TBCE: variants seen among roughly 807,000 people sequenced by gnomAD.
TBCE encodes the protein tubulin-specific chaperone E.
TBCE carries 53 observed loss-of-function variants against 77.0 expected under a neutral mutation model. The ratio of observed to expected loss-of-function variants is 0.69; its 90% CI spans 0.55 to 0.87. The LOEUF (loss-of-function observed/expected upper bound fraction) is 0.87, where lower values mean the gene tolerates loss of function less well. Ranked by LOEUF, TBCE falls within the 40% of genes least tolerant of loss-of-function variation. TBCE has a pLI of 0.00. For missense variants in TBCE, 624 were observed against 622.4 expected (o/e 1.00, Z -0.03); for synonymous variants, 235 against 241.3 (o/e 0.97, Z 0.24).
chr1:235,439,830 C>A (rs1417900949), intron 13 of TBCE, among the ~76,000 whole-genome samples: 1 of 151,784 alleles, frequency 6.6e-6, no homozygotes, highest in African/African-American at 2.4e-5. Flanking sequence ...GAGACAGAGT[C>A]TTGCTCTGTC....
At chr1:235,447,022 T>C (rs1682384847) in intron 15 of TBCE, among the ~76,000 whole-genome samples, 1 of 152,148 alleles carries the variant, frequency 6.6e-6, no homozygotes, top group African/African-American at 2.4e-5. Flanking sequence ...CTGGCATGTG[T>C]TAGGAGTATG....
intron 2 of TBCE, among the ~76,000 whole-genome samples, chr1:235,399,705 T>C (rs1461129551): frequency 1.3e-5 from 2 of 152,214 alleles, no homozygotes; most frequent in African/African-American, 2.4e-5. Flanking sequence ...AGTGTTTTCC[T>C]GAGTTCTGTG....
chr1:235,422,290 T>A (rs1018475452), intron 5 of TBCE, among the ~76,000 whole-genome samples: 3 of 152,122 alleles, frequency 2.0e-5, no homozygotes, highest in Non-Finnish European at 4.4e-5. Flanking sequence ...GGCGGGTGGA[T>A]CACCTGAGGT....
intron 2 of TBCE, among the ~76,000 whole-genome samples, chr1:235,400,408 C>CTTCTTTTTTTTTTTTTTTTTTTT (rs150764928): frequency 9.4e-6 from 1 of 106,050 alleles, no homozygotes; most frequent in African/African-American, 4.3e-5. Flanking sequence ...TATTTTTCCT[C>CTTCTTTTTTTTTTTTTTTTTTTT]TTTTTTTTTT....
intron 2 of TBCE, 85 bp from the exon 3 acceptor site, chr1:235,401,418 C>T: frequency 8.5e-7 from 1 of 1,169,864 alleles, no homozygotes; most frequent in Non-Finnish European, 1.3e-6. Flanking sequence ...ATGGTTTCCG[C>T]TGCAAATTGG....
chr1:235,424,768 G>C (rs891870435), intron 5 of TBCE, among the ~76,000 whole-genome samples: 1 of 152,032 alleles, frequency 6.6e-6, no homozygotes, highest in Non-Finnish European at 1.5e-5. Context: ...GCCACCCAAC[G>C]TGCTGGGATT....
intron 2 of TBCE, among the ~76,000 whole-genome samples, chr1:235,383,324 T>C (rs1364934861): frequency 6.6e-6 from 1 of 152,166 alleles, no homozygotes; most frequent in African/African-American, 2.4e-5. Context: ...TATATGAACT[T>C]TAAAGTAGTT....
intron 2 of TBCE, among the ~76,000 whole-genome samples, chr1:235,385,556 C>CT (rs1229033694): frequency 1.3e-5 from 2 of 152,012 alleles, no homozygotes; most frequent in African/African-American, 4.8e-5. Flanking sequence ...GAATTGATCC[C>CT]TTTATCATTA....
intron 5 of TBCE, among the ~76,000 whole-genome samples, chr1:235,420,464 G>A (rs143188959): frequency 0.081 from 12,001 of 147,628 alleles, 816 homozygotes; most frequent in African/African-American, 0.19. Flanking sequence ...ACAGGTGCCC[G>A]CCACCATGTC....
chr1:235,379,096 T>G (rs1049809411), intron 1 of TBCE, among the ~76,000 whole-genome samples: 2 of 152,180 alleles, frequency 1.3e-5, no homozygotes, highest in Middle Eastern at 3.2e-3. Context: ...CTCCGACTTC[T>G]TAGGGATTTC....
intron 3 of TBCE, among the ~76,000 whole-genome samples, chr1:235,403,811 C>G (rs1411516245): frequency 3.9e-5 from 6 of 152,150 alleles, no homozygotes; most frequent in Middle Eastern, 3.2e-3. Flanking sequence ...GTGTGAACAT[C>G]ATAGTATACT....
chr1:235,441,982 G>T, intron 14 of TBCE, 100 bp downstream of exon 14: 3 of 959,316 alleles, frequency 3.1e-6, no homozygotes, highest in Non-Finnish European at 4.8e-6. Context: ...AAGTACCTAA[G>T]TAAATGCCTT....
Position 235,450,571 on chromosome 1 carries a change from A to T in TBCE, c.*1809A>T. 1 of 489,176 alleles carries T rather than the reference A, an allele frequency of 2.0e-6. No homozygotes were observed. The highest frequency in any genetic ancestry group is 3.7e-6 in the Non-Finnish European group (1 of 271,158). The allele number at this position is 489,176 out of a possible 1,614,324, so 30.3% of individuals were successfully genotyped here. A position where few individuals can be genotyped will look rare whatever the true frequency, so the allele number is the denominator to read the frequency against. On this transcript the variant is annotated 3_prime_UTR_variant, in exon 17 of 17. Coordinates refer to ENST00000642610, the MANE Select transcript of TBCE (RefSeq NM_003193.5). ...AATACAGAAACAAGGCGGTGTGTGG[A>T]TGAAGAGTTAGTCAACAAATGCCAT...
At chr1:235,438,945 C>T (rs560605272) in intron 13 of TBCE, 23 bp downstream of exon 13, 1 of 1,614,076 alleles carries the variant, frequency 6.2e-7, no homozygotes, top group Non-Finnish European at 8.5e-7. Flanking sequence ...ACACTGGTGG[C>T]CTTCAGGTGG....
chr1:235,382,314 C>CT (rs1677725340), intron 2 of TBCE, among the ~76,000 whole-genome samples: 1 of 152,046 alleles, frequency 6.6e-6, no homozygotes, highest in African/African-American at 2.4e-5. Context: ...ATTTGTAGTC[C>CT]TTTGGGTATA....
At chr1:235,373,324 T>C (rs896330222) in intron 1 of TBCE, among the ~76,000 whole-genome samples, 1 of 152,226 alleles carries the variant, frequency 6.6e-6, no homozygotes, top group Admixed American at 6.5e-5. Context: ...AACATTTAAA[T>C]TTTATGATCG....
chr1:235,422,436 A>G (rs1441318230), intron 5 of TBCE, among the ~76,000 whole-genome samples: 1 of 151,984 alleles, frequency 6.6e-6, no homozygotes, highest in East Asian at 1.9e-4. Context: ...TAATCACTTG[A>G]ACCCGGGAGG....
chr1:235,406,741 A>G, intron 3 of TBCE, among the ~76,000 whole-genome samples: 1 of 151,468 alleles, frequency 6.6e-6, no homozygotes, highest in Admixed American at 6.6e-5. Flanking sequence ...CATATTGGCC[A>G]GACTGGTCTC....
At position 235,379,249 on chromosome 1, in the gene TBCE, C is replaced by T. The variant is rs190251443; in HGVS notation, c.-31-770C>T. 8.6e-3 allele frequency among the ~76,000 whole-genome samples: 1,301 copies of T among 152,102 alleles called. 10 individuals are homozygous for T. The highest frequency in any genetic ancestry group is 0.014 in the Admixed American group (211 of 15,242). On this transcript the variant is annotated intron_variant, in intron 1 of 16. Transcript: ENST00000642610. ...AACCCCTAAAAACATGTTTCTAGGC[C>T]GGGCGCAGTGGCTCATGCCTGTAAT...
Sources: allele counts gnomAD v4.1 joint callset (sites outside exome capture counted in the v4.1 genomes callset), GRCh38; gene constraint gnomAD v4.1.1; transcripts MANE v1.5; gene names NCBI Gene and HGNC (gene_info 2026-07-23, HGNC 2026-07-21).